The following SLCO3A1 variants were observed in gnomAD, a reference collection of about 807,000 sequenced individuals.
SLCO3A1 encodes the protein solute carrier organic anion transporter family member 3A1, also known as PGE1 transporter.
SLCO3A1 carries 27 observed loss-of-function variants against 63.1 expected under a neutral mutation model. The observed-to-expected ratio is 0.43, with a 90% confidence interval of 0.32 to 0.59. The LOEUF is 0.59. Among genes scored for constraint, SLCO3A1 ranks in the 20% least tolerant of loss-of-function variants. The pLI is 0.09. For synonymous variants in SLCO3A1, 473 were observed against 409.9 expected (o/e 1.15, Z -1.86); for missense variants, 773 against 945.8 (o/e 0.82, Z 2.40).
rs777054824 is a variant in SLCO3A1, at chr15:92,171,738, T to C, written c.1997-42T>C. The C allele has an allele frequency of 1.0e-4, 138 of 1,374,064 alleles. No individual in the cohort carries two copies. In the Middle Eastern group the frequency reaches 1.4e-3, roughly 14 times the overall value. 85.1% of individuals were successfully genotyped at this position (1,374,064 alleles called of 1,614,324 possible). A position where few individuals can be genotyped will look rare whatever the true frequency, so the allele number is the denominator to read the frequency against. ...CAGTAGGTGAAGCAGAAAAGACCGA[T>C]CTCTTTTTCCTCTTGGCTCTTCTTC... On this transcript the variant is annotated intron_variant, in intron 10 of 10. Coordinates refer to the SLCO3A1 transcript ENST00000424469.
At position 92,035,253 on chromosome 15, in the gene SLCO3A1, A is replaced by G. The variant is rs954425186; in HGVS notation, c.647-59628A>G. Among the ~76,000 whole-genome samples, 8 of 151,952 alleles carry G rather than the reference A, an allele frequency of 5.3e-5. No homozygotes were observed. The East Asian group carries it at 7.7e-4, about 15-fold the overall frequency. ...ACAGGTTGGTAATGACCCCAAATCAAAATTGCTCTGTGCTGTATATGTTAT... is the reference window on the plus strand; with the variant it reads ...ACAGGTTGGTAATGACCCCAAATCAGAATTGCTCTGTGCTGTATATGTTAT... On this transcript the variant is annotated intron_variant, in intron 2 of 9. Coordinates refer to ENST00000318445, the MANE Select transcript of SLCO3A1 (RefSeq NM_013272.4).
rs1328324982 is a variant in SLCO3A1 at position 91,853,778 on chromosome 15, C to T, written c.-131C>T. 6.2e-5 allele frequency: 56 copies of T among 904,856 alleles called. 1 individual carries two copies. The highest frequency in any genetic ancestry group is 3.0e-5 in the Non-Finnish European group (22 of 740,876). The allele number at this position is 904,856 out of a possible 1,614,324, so 56.1% of individuals were successfully genotyped here. On this transcript the variant is annotated 5_prime_UTR_variant, in exon 1 of 10. Transcript: ENST00000318445. ...CTCTCCAGCCCCGGCAGGACGGGGG[C>T]GGCCGCCGCGAACCCGGGGCGGGGA...
At chr15:92,046,500 A>G (rs1284649485) in intron 2 of SLCO3A1, among the ~76,000 whole-genome samples, 1 of 152,154 alleles carries the variant, frequency 6.6e-6, no homozygotes, top group Non-Finnish European at 1.5e-5. Context: ...ACTGCACTCC[A>G]GCCTGGGCTA....
intron 1 of SLCO3A1, among the ~76,000 whole-genome samples, chr15:91,899,893 A>G (rs1424369978): frequency 6.6e-6 from 1 of 152,238 alleles, no homozygotes; most frequent in Non-Finnish European, 1.5e-5. Context: ...TTCAATTAGC[A>G]TATCTTTTTG....
intron 2 of SLCO3A1, among the ~76,000 whole-genome samples, chr15:92,079,533 C>T (rs1310847525): frequency 6.6e-6 from 1 of 152,228 alleles, no homozygotes; most frequent in Admixed American, 6.5e-5. Flanking sequence ...GGGTCCAAAT[C>T]CCTAAGGACA....
At chr15:92,023,474 T>C (rs1012910426) in intron 2 of SLCO3A1, among the ~76,000 whole-genome samples, 4 of 144,582 alleles carry the variant, frequency 2.8e-5, no homozygotes, top group African/African-American at 1.0e-4. Context: ...ATTTTTTTTC[T>C]TTTTTTTTTT....
intron 2 of SLCO3A1, among the ~76,000 whole-genome samples, chr15:92,057,449 A>G (rs2047035293): frequency 6.6e-6 from 1 of 152,162 alleles, no homozygotes; most frequent in Admixed American, 6.5e-5. Flanking sequence ...CAGTCCTTGG[A>G]AAAAAACAAA....
At chr15:92,103,333 G>T (rs1477918799) in intron 3 of SLCO3A1, among the ~76,000 whole-genome samples, 1 of 152,108 alleles carries the variant, frequency 6.6e-6, no homozygotes. Context: ...GGTGTAAAGA[G>T]AGAGAAAGAA....
At chr15:92,012,415 T>C (rs934316930) in intron 2 of SLCO3A1, among the ~76,000 whole-genome samples, 2 of 152,138 alleles carry the variant, frequency 1.3e-5, no homozygotes, top group Admixed American at 1.3e-4. Context: ...TTTAGTCACC[T>C]TGAAGCCAAG....
rs531697413 is a variant in SLCO3A1 at position 92,101,685 on chromosome 15, C to T, written c.746-2594C>T. ...CTCAGCATGTTATTTCTCTCTGCCA[C>T]AGTGCTCCGGATAATTGAAATGGAG... On this transcript the variant is annotated intron_variant, in intron 3 of 9. Transcript: ENST00000318445. 3.9e-5 allele frequency among the ~76,000 whole-genome samples: 6 copies of T among 152,266 alleles called. No homozygotes were observed. In the East Asian group the frequency reaches 1.2e-3, roughly 29 times the overall value.
In SLCO3A1 at chr15:92,034,221, AGGAAGCACTGACAGAATGT is replaced by A. The variant is rs540882942; in HGVS notation, c.647-60659_647-60641del. ...CGGGGATAGCACAGATGCCTCCTAA[AGGAAGCACTGACAGAATGT>A]TCAGATGGATTCGATGTAGAGAAGG... On this transcript the variant is annotated intron_variant, in intron 2 of 9. Coordinates refer to ENST00000318445, the MANE Select transcript of SLCO3A1 (RefSeq NM_013272.4). 1.8e-3 allele frequency among the ~76,000 whole-genome samples: 275 copies of A among 151,688 alleles called. 5 individuals carry two copies. Among genetic ancestry groups the A allele is most frequent in the Non-Finnish European group, 3.2e-3 (216 of 67,724 alleles).
intron 2 of SLCO3A1, among the ~76,000 whole-genome samples, chr15:91,943,247 C>T (rs760545494): frequency 3.9e-5 from 6 of 152,142 alleles, no homozygotes; most frequent in Non-Finnish European, 8.8e-5. Flanking sequence ...TTCCCCCTCC[C>T]CTCAGCCCTT....
intron 1 of SLCO3A1, among the ~76,000 whole-genome samples, chr15:91,861,837 A>G (rs1184218080): frequency 6.6e-6 from 1 of 150,824 alleles, no homozygotes; most frequent in East Asian, 2.0e-4. Flanking sequence ...GGGTGGTTTC[A>G]TCATGTTGTC....
At position 92,163,652 on chromosome 15, in the gene SLCO3A1, G is replaced by A. The variant is rs979050391; in HGVS notation, c.*517G>A. On this transcript the variant is annotated 3_prime_UTR_variant, in exon 10 of 10. Coordinates refer to ENST00000318445, the MANE Select transcript of SLCO3A1 (RefSeq NM_013272.4). The stretch of plus-strand genomic sequence containing the variant: ...TTCCTCCAGGTGGGGGTGGGGGCGG[G>A]CGCACAAGTCGGAGGGGTGGAAGCA... 1.1e-5 allele frequency: 11 copies of A among 985,038 alleles called. No individual in the cohort carries two copies. In the East Asian group the frequency reaches 4.5e-4, roughly 41 times the overall value. The allele number at this position is 985,038 out of a possible 1,614,324, so 61.0% of individuals were successfully genotyped here.
At chr15:91,953,792 T>C (rs1040160720) in intron 2 of SLCO3A1, among the ~76,000 whole-genome samples, 1 of 152,260 alleles carries the variant, frequency 6.6e-6, no homozygotes, top group Admixed American at 6.5e-5. Flanking sequence ...CACACTGCTG[T>C]GACTCTGGGG....
intron 7 of SLCO3A1, 61 bp downstream of exon 7, chr15:92,128,550 C>T: frequency 2.0e-6 from 3 of 1,477,178 alleles, no homozygotes; most frequent in South Asian, 2.6e-5. Flanking sequence ...GCTTAAAACC[C>T]AAGTTTTTGC....
At chr15:92,019,140 G>A (rs1354230002) in intron 2 of SLCO3A1, among the ~76,000 whole-genome samples, 1 of 152,176 alleles carries the variant, frequency 6.6e-6, no homozygotes, top group East Asian at 1.9e-4. Context: ...GCCTGCCAGG[G>A]TGACTTTGCT....
intron 2 of SLCO3A1, among the ~76,000 whole-genome samples, chr15:91,974,618 G>A (rs1901024999): frequency 6.6e-6 from 1 of 152,106 alleles, no homozygotes; most frequent in Non-Finnish European, 1.5e-5. Flanking sequence ...AGGGAGGCGG[G>A]AGGTGGGGTG....
At position 91,882,198 on chromosome 15, in the gene SLCO3A1, C is replaced by A. The variant is rs1897605823; in HGVS notation, c.180+28110C>A. 6.6e-6 allele frequency among the ~76,000 whole-genome samples: 1 copy of A among 152,108 alleles called. No homozygotes were observed. Among genetic ancestry groups the A allele is most frequent in the Non-Finnish European group, 1.5e-5 (1 of 68,024 alleles). On this transcript the variant is annotated intron_variant, in intron 1 of 9. Coordinates refer to ENST00000318445, the MANE Select transcript of SLCO3A1 (RefSeq NM_013272.4). The surrounding 1 kb of genome is among the most constrained non-coding windows in gnomAD (Gnocchi z 4.4). The stretch of plus-strand genomic sequence containing the variant: ...GCATGGTAATAGTGAGATCTATGCA[C>A]AGGAGGGGGCATGTGAGGACTGAAA...
Sources: allele counts gnomAD v4.1 joint callset (sites outside exome capture counted in the v4.1 genomes callset), GRCh38; gene constraint gnomAD v4.1.1; non-coding constraint Gnocchi (gnomAD v3.1); transcripts MANE v1.5; gene names NCBI Gene and HGNC (gene_info 2026-07-23, HGNC 2026-07-21).